ITPRID1: variants seen among roughly 807,000 people sequenced by gnomAD.
The protein encoded by ITPRID1 is protein ITPRID1.
Under a neutral mutation model 95.4 loss-of-function variants are expected in ITPRID1, and 96 were observed. The ratio of observed to expected loss-of-function variants is 1.01; its 90% CI spans 0.85 to 1.19. ITPRID1 has a LOEUF of 1.19. ITPRID1 is among the 50% of genes most tolerant of loss of function. The pLI is 0.00. For missense variants in ITPRID1, 1,339 were observed against 1,252.9 expected, an observed-to-expected ratio of 1.07 and a Z score of -1.04; for synonymous variants, 510 against 453.6, an observed-to-expected ratio of 1.12 and a Z score of -1.58.
chr7:31,598,603 C>A (rs1786204788), intron 10 of ITPRID1, among the ~76,000 whole-genome samples: 1 of 151,794 alleles, frequency 6.6e-6, no homozygotes. Flanking sequence ...CGGGGTTTCA[C>A]CGTGTTAGCC....
chr7:31,591,607 C>A (rs1270407574), intron 10 of ITPRID1, among the ~76,000 whole-genome samples: 1 of 151,740 alleles, frequency 6.6e-6, no homozygotes, highest in African/African-American at 2.4e-5. Context: ...CATGCTCAAA[C>A]TGGGTAACCA....
At chr7:31,520,546 T>G (rs1783211715) in intron 1 of ITPRID1, among the ~76,000 whole-genome samples, 1 of 75,246 alleles carries the variant, frequency 1.3e-5, no homozygotes, top group African/African-American at 7.4e-5. Flanking sequence ...TGTGTGTGTG[T>G]GTGTGTGTGT....
intron 10 of ITPRID1, among the ~76,000 whole-genome samples, chr7:31,606,119 CTG>C (rs2128162224): frequency 6.6e-6 from 1 of 152,114 alleles, no homozygotes; most frequent in South Asian, 2.1e-4. Context: ...TTTCAAAGTT[CTG>C]TGTTTATCAT....
chr7:31,595,783 CAA>C (rs1786062065), intron 10 of ITPRID1, among the ~76,000 whole-genome samples: 1 of 151,634 alleles, frequency 6.6e-6, no homozygotes, highest in Admixed American at 6.6e-5. Context: ...AAAGAAGAAA[CAA>C]ATGATTTGAT....
chr7:31,589,494 C>CT (rs1192117395), intron 10 of ITPRID1, among the ~76,000 whole-genome samples: 1 of 152,026 alleles, frequency 6.6e-6, no homozygotes, highest in Non-Finnish European at 1.5e-5. Flanking sequence ...CCAGCAAACT[C>CT]TAAGTGGGAT....
intron 1 of ITPRID1, among the ~76,000 whole-genome samples, chr7:31,541,753 A>C (rs1040713825): frequency 6.6e-6 from 1 of 152,136 alleles, no homozygotes; most frequent in Admixed American, 6.6e-5. Flanking sequence ...CTCAATTTTT[A>C]ATAAAACCTT....
At chr7:31,527,136 C>G (rs1783446983) in intron 1 of ITPRID1, among the ~76,000 whole-genome samples, 1 of 152,164 alleles carries the variant, frequency 6.6e-6, no homozygotes, top group African/African-American at 2.4e-5. Flanking sequence ...ATGCTGTTCT[C>G]TCTCCCTGAA....
At chr7:31,631,990 C>CCAGTGACCACCTGTTAG (rs1419691720) in intron 10 of ITPRID1, among the ~76,000 whole-genome samples, 1 of 152,160 alleles carries the variant, frequency 6.6e-6, no homozygotes, top group Non-Finnish European at 1.5e-5. Flanking sequence ...CCTGCAGGTC[C>CCAGTGACCACCTGTTAG]CAGTGACCAC....
At chr7:31,604,003 C>G (rs1246376310) in intron 10 of ITPRID1, among the ~76,000 whole-genome samples, 1 of 152,156 alleles carries the variant, frequency 6.6e-6, no homozygotes, top group African/African-American at 2.4e-5. Flanking sequence ...GGCCTTAATA[C>G]ATTTTGCCTT....
At position 31,652,864 on chromosome 7, in the gene ITPRID1, T is replaced by C; in HGVS notation, c.*35T>C. On this transcript the variant is annotated 3_prime_UTR_variant, in exon 15 of 15. Coordinates refer to ENST00000615280, the MANE Select transcript of ITPRID1 (RefSeq NM_001257967.3). ...GGTTTGTTAACCTTCATACAAAATATAAAGGCCCAGAACAGATGTAGCAAG... is the reference window on the plus strand; with the variant it reads ...GGTTTGTTAACCTTCATACAAAATACAAAGGCCCAGAACAGATGTAGCAAG... The C allele has an allele frequency of 6.3e-7, 1 of 1,595,164 alleles. No individual in the cohort carries two copies. The highest frequency in any genetic ancestry group is 8.6e-7 in the Non-Finnish European group (1 of 1,166,514).
intron 10 of ITPRID1, among the ~76,000 whole-genome samples, chr7:31,634,114 A>G (rs1262851055): frequency 1.3e-5 from 2 of 152,168 alleles, no homozygotes; most frequent in African/African-American, 2.4e-5. Context: ...TCTGGTGATT[A>G]TTCCCACAAA....
At chr7:31,651,060 T>A in intron 12 of ITPRID1, 82 bp from the exon 13 acceptor site, 1 of 1,489,676 alleles carries the variant, frequency 6.7e-7, no homozygotes, top group South Asian at 1.4e-5. Context: ...GGATCCCAAA[T>A]GGGAAGACAG....
intron 1 of ITPRID1, chr7:31,517,302 G>A (rs1783075871): frequency 6.6e-6 from 1 of 152,184 alleles, no homozygotes; most frequent in African/African-American, 2.4e-5. Context: ...GTCTGTTTTG[G>A]CAGAGTGCTG....
At chr7:31,572,508 A>T (rs934427247) in intron 7 of ITPRID1, among the ~76,000 whole-genome samples, 22 of 152,138 alleles carry the variant, frequency 1.4e-4, no homozygotes, top group African/African-American at 5.1e-4. Context: ...TTTTAAGATT[A>T]AAAAAAGCAA....
intron 14 of ITPRID1, 99 bp downstream of exon 14, chr7:31,652,149 G>A (rs568567900): frequency 1.9e-5 from 18 of 931,020 alleles, no homozygotes; most frequent in Admixed American, 1.5e-4. Context: ...CAGAATCTAG[G>A]TTTACATGCC....
intron 6 of ITPRID1, among the ~76,000 whole-genome samples, chr7:31,571,497 T>G (rs1784987231): frequency 6.6e-6 from 1 of 152,236 alleles, no homozygotes; most frequent in Admixed American, 6.5e-5. Flanking sequence ...CTGAGCTATA[T>G]GTATAAAACT....
downstream of ITPRID1, chr7:31,658,286 C>A (rs1168818165): frequency 1.3e-6 from 2 of 1,503,110 alleles, no homozygotes. Flanking sequence ...TTATTGTCTG[C>A]AGAGCTGGAT....
intron 10 of ITPRID1, among the ~76,000 whole-genome samples, chr7:31,589,686 C>G (rs1205517250): frequency 2.0e-5 from 3 of 152,148 alleles, no homozygotes; most frequent in Non-Finnish European, 4.4e-5. Context: ...AAGACAGTAA[C>G]TATGAGCCAG....
At chr7:31,611,637 T>A (rs1347213377) in intron 10 of ITPRID1, among the ~76,000 whole-genome samples, 1 of 151,974 alleles carries the variant, frequency 6.6e-6, no homozygotes, top group African/African-American at 2.4e-5. Flanking sequence ...GAATATAGAA[T>A]TCTTGATATT....
Sources: allele counts gnomAD v4.1 joint callset (sites outside exome capture counted in the v4.1 genomes callset), GRCh38; gene constraint gnomAD v4.1.1; transcripts MANE v1.5; gene names NCBI Gene and HGNC (gene_info 2026-07-23, HGNC 2026-07-21).